The following TEX9 variants were observed in gnomAD, a reference collection of about 807,000 sequenced individuals.
TEX9 encodes the protein testis expressed 9.
In TEX9, 74 loss-of-function variants were observed where a neutral mutation model predicts 59.6. That is an observed-to-expected ratio of 1.24 (90% CI 1.03 to 1.51). The LOEUF is 1.51. Among genes scored for constraint, TEX9 ranks in the 40% most tolerant of loss-of-function variants. TEX9 has a pLI of 0.00. For synonymous variants in TEX9, 186 were observed against 152.2 expected (o/e 1.22, Z -1.64); for missense variants, 522 against 447.8 (o/e 1.17, Z -1.49).
intron 10 of TEX9, among the ~76,000 whole-genome samples, chr15:56,416,356 A>G (rs1418821076): frequency 6.6e-6 from 1 of 151,926 alleles, no homozygotes; most frequent in African/African-American, 2.4e-5. Context: ...GGTTTGCCAT[A>G]GATGGCTCTT....
intron 8 of TEX9, 92 bp downstream of exon 8, chr15:56,394,339 A>G: frequency 9.0e-7 from 1 of 1,115,088 alleles, no homozygotes; most frequent in Non-Finnish European, 1.3e-6. Flanking sequence ...TTATTTAGAT[A>G]TAAATCATAG....
intron 1 of TEX9, among the ~76,000 whole-genome samples, chr15:56,245,273 T>C (rs1369721138): frequency 6.6e-6 from 1 of 152,182 alleles, no homozygotes; most frequent in Non-Finnish European, 1.5e-5. Flanking sequence ...AGGCCCAGAC[T>C]CACACTGAAT....
chr15:56,287,938 G>A (rs1291501714), intron 1 of TEX9, among the ~76,000 whole-genome samples: 2 of 152,134 alleles, frequency 1.3e-5, no homozygotes, highest in Non-Finnish European at 2.9e-5. Flanking sequence ...CACTTAGGTA[G>A]ATTCAATATC....
In TEX9 at chr15:56,354,407, C is replaced by T. The variant is rs181404188; in HGVS notation, c.-106-19034C>T. On this transcript the variant is annotated intron_variant, in intron 1 of 5. Transcript: ENST00000560827. ...AACACCAACACTAGGTTTCTAGAGC[C>T]CTTTAATTGTAAAAGCAAGGTTGAT... Among the ~76,000 whole-genome samples the T allele has an allele frequency of 1.2e-4, 18 of 152,114 alleles. No homozygotes were observed. The East Asian group carries it at 2.9e-3, about 25-fold the overall frequency.
rs182712918 is a variant in TEX9, at chr15:56,391,088, C to A, written c.396-155C>A. Among the ~76,000 whole-genome samples the A allele has an allele frequency of 4.0e-3, 615 of 151,982 alleles. 3 individuals carry two copies. Among genetic ancestry groups the A allele is most frequent in the Middle Eastern group, 0.027 (8 of 294 alleles). On this transcript the variant is annotated intron_variant, in intron 6 of 12. Coordinates refer to ENST00000352903, the Ensembl canonical transcript of TEX9. ...TAATAGTAGTCTCTTGTAATATAATCCTTAAAAATATCAATTACAGATTTC... is the reference window on the plus strand; with the variant it reads ...TAATAGTAGTCTCTTGTAATATAATACTTAAAAATATCAATTACAGATTTC...
chr15:56,255,273 T>C (rs770291133), intron 1 of TEX9, among the ~76,000 whole-genome samples: 45 of 152,158 alleles, frequency 3.0e-4, no homozygotes, highest in Admixed American at 2.6e-3. Flanking sequence ...ACCCCTGTTC[T>C]AGATGATTGC....
intron 7 of TEX9, chr15:56,393,581 CT>C (rs1224836534): frequency 2.0e-5 from 3 of 152,122 alleles, no homozygotes; most frequent in Non-Finnish European, 4.4e-5. Flanking sequence ...ACTTTATTTA[CT>C]TTATGGGCCT....
intron 1 of TEX9, among the ~76,000 whole-genome samples, chr15:56,297,905 T>C (rs1166863547): frequency 1.3e-5 from 2 of 152,260 alleles, no homozygotes; most frequent in Non-Finnish European, 2.9e-5. Context: ...CATAATTCTT[T>C]ATGTCTATCA....
rs147625751 is a variant in TEX9 at position 56,272,526 on chromosome 15, G to T, written c.-107+28248G>T. ...AGTTCATCAGTTGATAGGCACTTGG[G>T]TTGTTTTCACTTTCTGGCTATTTTG... On this transcript the variant is annotated intron_variant, in intron 1 of 5. Transcript: ENST00000560827. Among the ~76,000 whole-genome samples the T allele has an allele frequency of 2.0e-3, 304 of 152,268 alleles. 5 individuals are homozygous for T. Among genetic ancestry groups the T allele is most frequent in the African/African-American group, 7.0e-3 (290 of 41,542 alleles).
chr15:56,403,644 G>A (rs1325191636), intron 9 of TEX9, among the ~76,000 whole-genome samples: 1 of 152,182 alleles, frequency 6.6e-6, no homozygotes, highest in South Asian at 2.1e-4. Flanking sequence ...TAAAGTTCAC[G>A]TGGAACCAAA....
chr15:56,264,841 A>G lies in TEX9; in HGVS notation c.-107+20563A>G, dbSNP rs192120767. Among the ~76,000 whole-genome samples, 90 of 152,298 alleles carry G rather than the reference A, an allele frequency of 5.9e-4. 1 individual carries two copies. Among genetic ancestry groups the G allele is most frequent in the Middle Eastern group, 3.4e-3 (1 of 294 alleles). ...TCCAACAGATGTCCTTTTCCACACT[A>G]TGTTTTAGAAAGATAATCAGTCTTT... On this transcript the variant is annotated intron_variant, in intron 1 of 5. Transcript: ENST00000560827.
rs140418013 is a variant in TEX9 at position 56,350,354 on chromosome 15, A to G, written c.-106-23087A>G. The stretch of plus-strand genomic sequence containing the variant: ...TAACCTTTGGCCTGTTAATGATAGG[A>G]TGATTTTGGAGAACAACAAAGTAGA... On this transcript the variant is annotated intron_variant, in intron 1 of 5. Coordinates refer to the TEX9 transcript ENST00000560827. Among the ~76,000 whole-genome samples the G allele has an allele frequency of 3.8e-3, 578 of 152,326 alleles. 5 individuals carry two copies. The highest frequency in any genetic ancestry group is 0.013 in the African/African-American group (555 of 41,578).
At chr15:56,444,370 C>T in intron 12 of TEX9, 2 of 1,285,520 alleles carry the variant, frequency 1.6e-6, no homozygotes, top group Non-Finnish European at 2.1e-6. Context: ...CTAGGTGCTT[C>T]AGTTCCTCAC....
chr15:56,315,943 C>T (rs575547158), intron 1 of TEX9, among the ~76,000 whole-genome samples: 4 of 151,732 alleles, frequency 2.6e-5, no homozygotes, highest in South Asian at 2.1e-4. Context: ...TTGATCGCGT[C>T]GGCTCCTGAG....
chr15:56,407,589 C>T (rs1309722321), intron 9 of TEX9, among the ~76,000 whole-genome samples: 1 of 152,058 alleles, frequency 6.6e-6, no homozygotes, highest in East Asian at 1.9e-4. Flanking sequence ...TAATTTGTCT[C>T]TTCTGTCATT....
intron 1 of TEX9, among the ~76,000 whole-genome samples, chr15:56,256,512 G>A (rs1432933757): frequency 1.3e-5 from 2 of 151,922 alleles, no homozygotes; most frequent in Non-Finnish European, 2.9e-5. Context: ...AATACATAAA[G>A]TAGAAGCAAG....
intron 1 of TEX9, among the ~76,000 whole-genome samples, chr15:56,313,054 A>G (rs1446477445): frequency 2.1e-5 from 3 of 145,862 alleles, no homozygotes; most frequent in Non-Finnish European, 4.5e-5. Flanking sequence ...GGCTGAGACA[A>G]TGGGGTTTTC....
intron 3 of TEX9, among the ~76,000 whole-genome samples, chr15:56,378,310 A>C (rs796580223): frequency 1.9e-4 from 29 of 152,150 alleles, no homozygotes; most frequent in African/African-American, 6.3e-4. Flanking sequence ...TTCTTCTTTA[A>C]ATGTTCGATA....
At chr15:56,384,062 TTTAAAAG>T in intron 4 of TEX9, 31 bp downstream of exon 4, 1 of 1,532,504 alleles carries the variant, frequency 6.5e-7, no homozygotes, top group Non-Finnish European at 9.0e-7. Flanking sequence ...AGCACCTTCT[TTTAAAAG>T]GATGTACATG....
Sources: allele counts gnomAD v4.1 joint callset (sites outside exome capture counted in the v4.1 genomes callset), GRCh38; gene constraint gnomAD v4.1.1; transcripts MANE v1.5; gene names NCBI Gene and HGNC (gene_info 2026-07-23, HGNC 2026-07-21).